Variants in CFAP20DC observed in about 807,000 individuals in gnomAD.
CFAP20DC encodes the protein CFAP20 domain containing.
CFAP20DC carries 84 observed loss-of-function variants against 101.7 expected under a neutral mutation model. The observed-to-expected ratio is 0.83, with a 90% confidence interval of 0.69 to 0.99. The LOEUF (loss-of-function observed/expected upper bound fraction) is 0.99, where lower values mean the gene tolerates loss of function less well. Among genes scored for constraint, CFAP20DC ranks in the 50% least tolerant of loss-of-function variants. The pLI is 0.00. For missense variants in CFAP20DC, 1,007 were observed against 970.3 expected (o/e 1.04, Z -0.50); for synonymous variants, 359 against 351.2 (o/e 1.02, Z -0.25).
At position 58,726,595 on chromosome 3, in the gene CFAP20DC, A is replaced by C. The variant is rs528868460; in HGVS notation, c.198-8967T>G. On this transcript the variant is annotated intron_variant, in intron 3 of 3. Coordinates refer to the CFAP20DC transcript ENST00000486145. ...CACACCATCAGAATAAATGAAAGTG[A>C]CCCATCCCTTCCACTCACACCATCA... 1.7e-4 allele frequency: 31 copies of C among 180,638 alleles called. 1 individual carries two copies. The South Asian group carries it at 2.7e-3, about 16-fold the overall frequency. The allele number at this position is 180,638 out of a possible 1,614,324, so 11.2% of individuals were successfully genotyped here. A position where few individuals can be genotyped will look rare whatever the true frequency, so the allele number is the denominator to read the frequency against.
intron 4 of CFAP20DC, among the ~76,000 whole-genome samples, chr3:58,944,524 G>A (rs1356743707): frequency 6.6e-6 from 1 of 152,078 alleles, no homozygotes; most frequent in African/African-American, 2.4e-5. Flanking sequence ...ACTATTCCAG[G>A]CTGAAGCAGT....
chr3:58,949,705 C>A (rs1214540932), intron 4 of CFAP20DC, among the ~76,000 whole-genome samples: 1 of 152,026 alleles, frequency 6.6e-6, no homozygotes, highest in Non-Finnish European at 1.5e-5. Flanking sequence ...AGGCCTTTGA[C>A]AAAATTCAAA....
At position 58,912,091 on chromosome 3, in the gene CFAP20DC, C is replaced by T. The variant is rs1307550300; in HGVS notation, c.550+1617G>A. On this transcript the variant is annotated intron_variant, in intron 6 of 16. Transcript: ENST00000482387. The surrounding 1 kb of genome is among the most constrained non-coding windows in gnomAD (Gnocchi z 4.4). ...TCTTGTCCGTTATTGTCTCCCCTCC[C>T]ATATTCTTTATTCTGGTGGATTTAT... Among the ~76,000 whole-genome samples, 1 of 152,126 alleles carries T rather than the reference C, an allele frequency of 6.6e-6. No homozygotes were observed. The highest frequency in any genetic ancestry group is 1.9e-4 in the East Asian group (1 of 5,204).
intron 4 of CFAP20DC, among the ~76,000 whole-genome samples, chr3:58,974,012 T>C (rs2092116814): frequency 1.3e-5 from 2 of 152,112 alleles, no homozygotes; most frequent in South Asian, 4.2e-4. Flanking sequence ...GGGTGATTCA[T>C]ATGGTATGAC....
intron 3 of CFAP20DC, among the ~76,000 whole-genome samples, chr3:58,719,166 T>C (rs1050139880): frequency 1.3e-5 from 2 of 152,082 alleles, no homozygotes; most frequent in African/African-American, 2.4e-5. Flanking sequence ...TTGCTTAAGC[T>C]GGGGAGGTAG....
chr3:58,866,893 G>A (rs954019174), intron 10 of CFAP20DC, among the ~76,000 whole-genome samples: 3 of 151,260 alleles, frequency 2.0e-5, no homozygotes, highest in African/African-American at 7.3e-5. Context: ...AAAATTCTTT[G>A]ATACTTACAC....
At chr3:58,793,885 T>C (rs1444127271) in intron 15 of CFAP20DC, among the ~76,000 whole-genome samples, 10 of 152,228 alleles carry the variant, frequency 6.6e-5, no homozygotes, top group Non-Finnish European at 1.3e-4. Context: ...GTTCCACTGC[T>C]TTAAAATTGT....
intron 7 of CFAP20DC, among the ~76,000 whole-genome samples, chr3:58,875,028 T>C (rs927829882): frequency 1.3e-5 from 2 of 152,224 alleles, no homozygotes; most frequent in Non-Finnish European, 2.9e-5. Flanking sequence ...GGGAGTTCTA[T>C]GTGTGAATCA....
intron 4 of CFAP20DC, among the ~76,000 whole-genome samples, chr3:58,989,146 C>T (rs1267262961): frequency 1.3e-5 from 2 of 151,904 alleles, no homozygotes; most frequent in Non-Finnish European, 2.9e-5. Flanking sequence ...TTCCACTGTG[C>T]CTTTTTTTCT....
intron 4 of CFAP20DC, among the ~76,000 whole-genome samples, chr3:59,026,268 A>G (rs1396966036): frequency 6.6e-6 from 1 of 152,200 alleles, no homozygotes; most frequent in Non-Finnish European, 1.5e-5. Context: ...TTACCACTTT[A>G]GTGTACAATA....
intron 15 of CFAP20DC, among the ~76,000 whole-genome samples, chr3:58,756,192 T>C (rs756806138): frequency 6.6e-6 from 1 of 152,122 alleles, no homozygotes; most frequent in Non-Finnish European, 1.5e-5. Flanking sequence ...ACAGGTTCAT[T>C]CTCATCTTTC....
Position 58,764,389 on chromosome 3 carries a change from G to A in CFAP20DC, c.2238-10526C>T, listed in dbSNP as rs148068162. Among the ~76,000 whole-genome samples, 47 of 152,274 alleles carry A rather than the reference G, an allele frequency of 3.1e-4. 1 individual carries two copies. The East Asian group carries it at 4.8e-3, about 16-fold the overall frequency. On this transcript the variant is annotated intron_variant, in intron 15 of 16. Transcript: ENST00000482387. ...CGTTTGCTAAGACTGTTGGAAAAGC[G>A]CAGTATTAGGGTGGGAGTGACCTGA...
chr3:58,798,591 C>T (rs887454820), intron 15 of CFAP20DC, among the ~76,000 whole-genome samples: 3 of 152,188 alleles, frequency 2.0e-5, no homozygotes, highest in African/African-American at 7.2e-5. Context: ...AAAGCAGCAG[C>T]ATGGTTGGGC....
chr3:58,807,637 G>A (rs1265222967), intron 14 of CFAP20DC, among the ~76,000 whole-genome samples: 2 of 152,138 alleles, frequency 1.3e-5, no homozygotes, highest in Admixed American at 1.3e-4. Flanking sequence ...CACAAAAACT[G>A]GAAACTCTAA....
At chr3:58,936,535 CAAT>C (rs1280669559) in intron 5 of CFAP20DC, among the ~76,000 whole-genome samples, 11 of 152,060 alleles carry the variant, frequency 7.2e-5, no homozygotes, top group Non-Finnish European at 1.5e-4. Flanking sequence ...AAATGTCCAA[CAAT>C]GATAGACTGG....
At position 58,971,472 on chromosome 3, in the gene CFAP20DC, T is replaced by C. The variant is rs1200480702; in HGVS notation, c.279-33710A>G. 6.6e-6 allele frequency among the ~76,000 whole-genome samples: 1 copy of C among 152,168 alleles called. No individual in the cohort carries two copies. Among genetic ancestry groups the C allele is most frequent in the Non-Finnish European group, 1.5e-5 (1 of 68,030 alleles). ...CCTCACCTATGCTCTCCAGAATGTA[T>C]CACTATAATTGCAGAAGATTTTTAT... On this transcript the variant is annotated intron_variant, in intron 4 of 16. Transcript: ENST00000482387. This position sits in a 1 kb window ranked among gnomAD's most constrained non-coding sequence, Gnocchi z 4.1.
intron 4 of CFAP20DC, among the ~76,000 whole-genome samples, chr3:59,009,821 C>G (rs1450396500): frequency 6.6e-6 from 1 of 152,034 alleles, no homozygotes; most frequent in East Asian, 1.9e-4. Flanking sequence ...AGCTGTGAAA[C>G]AAAAGCATCA....
intron 4 of CFAP20DC, among the ~76,000 whole-genome samples, chr3:58,985,361 C>T (rs1465623686): frequency 2.0e-5 from 3 of 152,138 alleles, no homozygotes; most frequent in Admixed American, 6.5e-5. Flanking sequence ...TATCCATCAT[C>T]CCTGGCCTGA....
rs1217062790 is a variant in CFAP20DC, at chr3:58,864,872, T to C, written c.1259-980A>G. On this transcript the variant is annotated intron_variant, in intron 11 of 16. Coordinates refer to ENST00000482387, the MANE Select transcript of CFAP20DC (RefSeq NM_001394063.1). This position sits in a 1 kb window ranked among gnomAD's most constrained non-coding sequence, Gnocchi z 4.7. ...TTGATATAAAAACCTTTTAGCACAT[T>C]ATTGTTTTCTTTAAAATACCATACA... Among the ~76,000 whole-genome samples the C allele has an allele frequency of 6.6e-6, 1 of 152,236 alleles. No homozygotes were observed. Among genetic ancestry groups the C allele is most frequent in the Non-Finnish European group, 1.5e-5 (1 of 68,042 alleles).
Sources: allele counts gnomAD v4.1 joint callset (sites outside exome capture counted in the v4.1 genomes callset), GRCh38; gene constraint gnomAD v4.1.1; non-coding constraint Gnocchi (gnomAD v3.1); transcripts MANE v1.5; gene names NCBI Gene and HGNC (gene_info 2026-07-23, HGNC 2026-07-21).